PLXDC2: variants seen among roughly 807,000 people sequenced by gnomAD.
PLXDC2 encodes the protein plexin domain-containing protein 2.
A neutral mutation model predicts 68.9 loss-of-function variants in PLXDC2; 40 were observed. The ratio of observed to expected loss-of-function variants is 0.58; its 90% CI spans 0.45 to 0.76. PLXDC2 has a LOEUF of 0.76. Ranked by LOEUF, PLXDC2 falls within the 30% of genes least tolerant of loss-of-function variation. The pLI is 0.00. For synonymous variants in PLXDC2, 243 were observed against 234.2 expected, an observed-to-expected ratio of 1.04 and a Z score of -0.34; for missense variants, 644 against 661.9, an observed-to-expected ratio of 0.97 and a Z score of 0.30.
intron 8 of PLXDC2, 61 bp from the exon 9 acceptor site, chr10:20,177,267 A>C (rs1335162337): frequency 7.0e-7 from 1 of 1,430,978 alleles, no homozygotes. Context: ...TGGTTGAGTA[A>C]TCTCTTTCCC....
chr10:20,226,973 C>G (rs974620983), intron 12 of PLXDC2, among the ~76,000 whole-genome samples: 7 of 151,152 alleles, frequency 4.6e-5, no homozygotes, highest in African/African-American at 1.7e-4. Flanking sequence ...TTGTGTTACC[C>G]AATATTTCCA....
At chr10:20,119,843 G>A (rs1006697466) in intron 4 of PLXDC2, among the ~76,000 whole-genome samples, 11 of 151,296 alleles carry the variant, frequency 7.3e-5, no homozygotes, top group East Asian at 2.0e-4. Context: ...AGAATTATTG[G>A]TGATGGCATG....
At chr10:20,011,108 AT>A (rs1835106444) in intron 2 of PLXDC2, among the ~76,000 whole-genome samples, 1 of 152,196 alleles carries the variant, frequency 6.6e-6, no homozygotes. Flanking sequence ...TGTCTAGTTG[AT>A]TTTTTAAAAT....
chr10:19,989,036 G>T (rs983570738), intron 1 of PLXDC2, among the ~76,000 whole-genome samples: 1 of 151,908 alleles, frequency 6.6e-6, no homozygotes, highest in South Asian at 2.1e-4. Context: ...CTGACCTCAG[G>T]TGATCCACCA....
Position 20,284,319 on chromosome 10 carries a change from A to ATG in PLXDC2, c.*4501_*4502insGT. On this transcript the variant is annotated 3_prime_UTR_variant, in exon 14 of 14. Transcript: ENST00000377252. The stretch of plus-strand genomic sequence containing the variant: ...CCATCTCTATCAAATATACATATAT[A>ATG]TATATATATATACACACACACACAC... 8.2e-6 allele frequency: 1 copy of ATG among 121,308 alleles called. No homozygotes were observed. The highest frequency in any genetic ancestry group is 1.7e-5 in the Non-Finnish European group (1 of 60,302). 7.5% of individuals were successfully genotyped at this position (121,308 alleles called of 1,614,324 possible). A position where few individuals can be genotyped will look rare whatever the true frequency, so the allele number is the denominator to read the frequency against.
intron 1 of PLXDC2, among the ~76,000 whole-genome samples, chr10:19,930,526 C>G (rs1444205353): frequency 1.3e-5 from 2 of 152,086 alleles, no homozygotes; most frequent in African/African-American, 4.8e-5. Context: ...TGGGCCTGTT[C>G]TACATACATA....
chr10:20,092,373 A>G (rs1833291591), intron 4 of PLXDC2, among the ~76,000 whole-genome samples: 1 of 152,162 alleles, frequency 6.6e-6, no homozygotes, highest in African/African-American at 2.4e-5. Context: ...CTAAGATTCC[A>G]CTTTGCTTGA....
rs368135918 is a variant in PLXDC2 at position 20,092,461 on chromosome 10, C to T, written c.541+24222C>T. ...TGCTCAGTTAATATTGGTTGAATGG[C>T]CATGACTAGAAAGGTTTTCAAAATT... On this transcript the variant is annotated intron_variant, in intron 4 of 13. Coordinates refer to ENST00000377252, the MANE Select transcript of PLXDC2 (RefSeq NM_032812.9). 3.8e-3 allele frequency among the ~76,000 whole-genome samples: 580 copies of T among 151,966 alleles called. 7 individuals are homozygous for T. The highest frequency in any genetic ancestry group is 0.013 in the African/African-American group (543 of 41,428).
intron 1 of PLXDC2, among the ~76,000 whole-genome samples, chr10:19,885,718 T>G (rs955627188): frequency 1.4e-4 from 22 of 152,230 alleles, no homozygotes; most frequent in Middle Eastern, 3.4e-3. Flanking sequence ...TCTATATCTC[T>G]GTTTTGGTAC....
chr10:20,260,537 A>G (rs541383170), intron 13 of PLXDC2, among the ~76,000 whole-genome samples: 1 of 152,292 alleles, frequency 6.6e-6, no homozygotes, highest in South Asian at 2.1e-4. Context: ...CTCCTTTTTT[A>G]AGGCTGAATA....
chr10:20,174,084 A>G (rs1257838815), intron 7 of PLXDC2, among the ~76,000 whole-genome samples: 1 of 152,196 alleles, frequency 6.6e-6, no homozygotes, highest in Non-Finnish European at 1.5e-5. Flanking sequence ...AAAGTGTAAC[A>G]TGAAATAAAA....
chr10:19,874,045 A>G (rs1425874066), intron 1 of PLXDC2, among the ~76,000 whole-genome samples: 2 of 152,162 alleles, frequency 1.3e-5, no homozygotes, highest in African/African-American at 4.8e-5. Flanking sequence ...AAGGTTGTCA[A>G]TAGATGTATG....
chr10:20,001,323 A>T (rs186799084), intron 1 of PLXDC2, among the ~76,000 whole-genome samples: 7 of 152,336 alleles, frequency 4.6e-5, no homozygotes, highest in Admixed American at 2.0e-4. Flanking sequence ...GCTGTCCAGC[A>T]TGAAATAAAT....
At chr10:19,966,421 A>AATATATATGTGCACATATATAAAAT (rs1174291396) in intron 1 of PLXDC2, among the ~76,000 whole-genome samples, 1 of 149,156 alleles carries the variant, frequency 6.7e-6, no homozygotes, top group Non-Finnish European at 1.5e-5. Flanking sequence ...ATATATAAAA[A>AATATATATGTGCACATATATAAAAT]ATATATATGT....
At chr10:19,987,781 G>A (rs113137637) in intron 1 of PLXDC2, among the ~76,000 whole-genome samples, 2 of 151,912 alleles carry the variant, frequency 1.3e-5, no homozygotes, top group Non-Finnish European at 2.9e-5. Flanking sequence ...GGCCAGGATG[G>A]TCTCGATCGA....
chr10:20,245,428 A>C lies in PLXDC2; in HGVS notation c.1396A>C (p.Ile466Leu). 6.2e-7 allele frequency: 1 copy of C among 1,613,856 alleles called. No homozygotes were observed. The highest frequency in any genetic ancestry group is 8.5e-7 in the Non-Finnish European group (1 of 1,179,966). The change falls in exon 13 of 14, where the codon ATT becomes CTT. Residue 466 changes from isoleucine (I) to leucine (L), a missense_variant. Physicochemically the swap from Ile to Leu is conservative, Grantham distance 5 (BLOSUM62 2). This residue lies in a region of PLXDC2 where 330 missense variants were observed against 327.9 expected (regional missense o/e 1.01). Coordinates refer to ENST00000377252, the MANE Select transcript of PLXDC2 (RefSeq NM_032812.9). ...CATTGGAATCCTCATCCTGGTCCTC[A>C]TTGTAGCCACAGCCATTCTTGTGAC... ...LIIGILILVL[I>L]VATAILVTVY...
intron 1 of PLXDC2, among the ~76,000 whole-genome samples, chr10:19,873,386 G>T (rs1213295084): frequency 6.6e-6 from 1 of 151,458 alleles, no homozygotes; most frequent in Non-Finnish European, 1.5e-5. Context: ...TGGAATGTTG[G>T]GATTAACATT....
intron 1 of PLXDC2, among the ~76,000 whole-genome samples, chr10:19,864,207 T>C (rs1231921025): frequency 6.6e-6 from 1 of 152,206 alleles, no homozygotes; most frequent in Admixed American, 6.5e-5. Flanking sequence ...GTTCTCACTA[T>C]GTCATCCAGG....
At chr10:19,866,342 C>A (rs73601621) in intron 1 of PLXDC2, among the ~76,000 whole-genome samples, 6,891 of 152,234 alleles carry the variant, frequency 0.045, 514 homozygotes, top group African/African-American at 0.16. Context: ...TAGAGCTCAT[C>A]TACATCCCTT....
Sources: allele counts gnomAD v4.1 joint callset (sites outside exome capture counted in the v4.1 genomes callset), GRCh38; gene constraint gnomAD v4.1.1; regional missense constraint gnomAD v4.1.1; transcripts MANE v1.5; gene names NCBI Gene and HGNC (gene_info 2026-07-23, HGNC 2026-07-21).